Variants in TMEM171 observed in about 807,000 individuals in gnomAD.
TMEM171 encodes transmembrane protein 171, also known as proline-rich protein PRP2.
A neutral mutation model predicts 19.1 loss-of-function variants in TMEM171; 16 were observed. That is an observed-to-expected ratio of 0.84 (90% confidence interval 0.57 to 1.27). The LOEUF is 1.27. Ranked by LOEUF, TMEM171 falls within the 50% of genes most tolerant of loss-of-function variation. The pLI is 0.00. For missense variants in TMEM171, 429 were observed against 412.7 expected (o/e 1.04, Z -0.34); for synonymous variants, 153 against 163.4 (o/e 0.94, Z 0.48).
chr5:73,122,048 T>C lies in TMEM171; in HGVS notation c.-68-1258T>C, dbSNP rs113646776. Among the ~76,000 whole-genome samples the C allele has an allele frequency of 9.3e-3, 1,415 of 152,324 alleles. 25 individuals carry two copies. Among genetic ancestry groups the C allele is most frequent in the African/African-American group, 0.032 (1,343 of 41,574 alleles). On this transcript the variant is annotated intron_variant, in intron 1 of 3. Coordinates refer to ENST00000454765, the MANE Select transcript of TMEM171 (RefSeq NM_173490.8). ...ACAACTCTTTAACAACCACTTGGCATATTTAATATATTATACCCCTGAAGT... is the reference window on the plus strand; with the variant it reads ...ACAACTCTTTAACAACCACTTGGCACATTTAATATATTATACCCCTGAAGT...
intron 3 of TMEM171, 147 bp downstream of exon 3, chr5:73,128,678 C>G: frequency 1.0e-6 from 1 of 956,270 alleles, no homozygotes; most frequent in Non-Finnish European, 1.4e-6. Context: ...TTAACAGTAC[C>G]TTTGCCGAAA....
At chr5:73,121,262 T>C (rs1322809559) in intron 1 of TMEM171, among the ~76,000 whole-genome samples, 1 of 152,360 alleles carries the variant, frequency 6.6e-6, no homozygotes, top group East Asian at 1.9e-4. Context: ...AGTTGAAGCC[T>C]TGTGACTCAC....
At chr5:73,129,445 G>C (rs1744273442) in intron 3 of TMEM171, among the ~76,000 whole-genome samples, 1 of 152,222 alleles carries the variant, frequency 6.6e-6, no homozygotes, top group Non-Finnish European at 1.5e-5. Flanking sequence ...GTGGGTGTTT[G>C]CAAAGGGAGT....
rs144088240 is a variant in TMEM171, at chr5:73,123,664, C to T, written c.291C>T (p.Pro97=). The T allele has an allele frequency of 9.3e-6, 15 of 1,614,080 alleles. No homozygotes were observed. The African/African-American group carries it at 1.2e-4, about 13-fold the overall frequency. ...TGCAGAGAGGTCAGCAGATGGACCC[C>T]GACCGAGCCTTCATCTGTGGAGAGA... ...AGLQRGQQMD[P]DRAFICGESR... The change falls in exon 2 of 4, where the codon CCC becomes CCT. Residue 97 remains proline (P), a synonymous_variant. Coordinates refer to ENST00000454765, the MANE Select transcript of TMEM171 (RefSeq NM_173490.8).
intron 2 of TMEM171, among the ~76,000 whole-genome samples, chr5:73,125,689 G>A (rs924081428): frequency 2.0e-5 from 3 of 152,204 alleles, no homozygotes; most frequent in African/African-American, 7.2e-5. Flanking sequence ...AGTTGGGAAC[G>A]GTTCGAGGGG....
intron 1 of TMEM171, among the ~76,000 whole-genome samples, chr5:73,122,550 C>T (rs1303531554): frequency 6.6e-6 from 1 of 152,204 alleles, no homozygotes; most frequent in Non-Finnish European, 1.5e-5. Flanking sequence ...GGACCACAGG[C>T]ACCATGCCTG....
rs1321068820 is a variant in TMEM171 at position 73,123,431 on chromosome 5, A to G, written c.58A>G (p.Lys20Glu). 6.2e-7 allele frequency: 1 copy of G among 1,614,178 alleles called. No homozygotes were observed. Among genetic ancestry groups the G allele is most frequent in the South Asian group, 1.1e-5 (1 of 91,070 alleles). ...DGDQQDRHVS[K>E]LIFCFFVFGA... The stretch of plus-strand genomic sequence containing the variant: ...GGACCAGCAGGACAGACACGTCAGC[A>G]AACTCATCTTCTGCTTCTTTGTCTT... Residue 20 changes from lysine (K) to glutamate (E), a missense_variant, in exon 2 of 4, where the codon AAA becomes GAA. Lys to Glu is a moderately conservative substitution (Grantham distance 56). Transcript: ENST00000454765.
At chr5:73,128,605 C>G (rs1399243085) in intron 3 of TMEM171, 74 bp downstream of exon 3, 6 of 1,543,532 alleles carry the variant, frequency 3.9e-6, no homozygotes, top group South Asian at 1.2e-5. Flanking sequence ...TGTGGTTCAC[C>G]AGGAGGCATT....
At chr5:73,127,386 T>A (rs71594610) in intron 2 of TMEM171, among the ~76,000 whole-genome samples, 1,987 of 81,870 alleles carry the variant, frequency 0.024, 36 homozygotes, top group East Asian at 0.065. Context: ...AAAAAAAAAA[T>A]ATATATATAT....
intron 2 of TMEM171, among the ~76,000 whole-genome samples, chr5:73,124,551 C>A (rs1744111707): frequency 6.6e-6 from 1 of 152,216 alleles, no homozygotes; most frequent in Admixed American, 6.5e-5. Flanking sequence ...CACTAACATT[C>A]TAGGATTCTG....
rs192321046 is a variant in TMEM171, at chr5:73,130,939, A to T, written c.783-599A>T. On this transcript the variant is annotated intron_variant, in intron 3 of 3. Transcript: ENST00000454765. ...GGTCTGGCTTTTCTTGCATTAGTTT[A>T]TGTAACTCCCATATCCAGTCTAGGA... Among the ~76,000 whole-genome samples the T allele has an allele frequency of 2.1e-3, 321 of 152,246 alleles. 3 individuals are homozygous for T. The highest frequency in any genetic ancestry group is 6.9e-3 in the African/African-American group (285 of 41,548).
At position 73,128,410 on chromosome 5, in the gene TMEM171, C is replaced by G; in HGVS notation, c.661C>G (p.Pro221Ala). The G allele has an allele frequency of 6.2e-7, 1 of 1,614,146 alleles. No individual in the cohort carries two copies. Among genetic ancestry groups the G allele is most frequent in the South Asian group, 1.1e-5 (1 of 91,070 alleles). The change falls in exon 3 of 4, where the codon CCA becomes GCA. Residue 221 changes from proline (P) to alanine (A), a missense_variant. Physicochemically the swap from Pro to Ala is conservative, Grantham distance 27 (BLOSUM62 -1). Coordinates refer to ENST00000454765, the MANE Select transcript of TMEM171 (RefSeq NM_173490.8). ...CTTAGGTGACTCGGTAATAATATTT[C>G]CACCCCCTCCACCACCTTACTTTCC... ...VTVGDSVIIF[P>A]PPPPPYFPES...
In TMEM171 at chr5:73,129,540, G is replaced by A. The variant is rs147122451; in HGVS notation, c.782+1009G>A. Among the ~76,000 whole-genome samples, 10 of 152,274 alleles carry A rather than the reference G, an allele frequency of 6.6e-5. No homozygotes were observed. In the East Asian group the frequency reaches 1.4e-3, roughly 21 times the overall value. On this transcript the variant is annotated intron_variant, in intron 3 of 3. Coordinates refer to ENST00000454765, the MANE Select transcript of TMEM171 (RefSeq NM_173490.8). ...TCTAGGAAGTCAGCGTGAAACGGCCGTAGATTCCCTGCCTCCACACCCTAT... is the reference window on the plus strand; with the variant it reads ...TCTAGGAAGTCAGCGTGAAACGGCCATAGATTCCCTGCCTCCACACCCTAT...
intron 3 of TMEM171, among the ~76,000 whole-genome samples, chr5:73,130,435 A>G (rs1580240277): frequency 6.6e-6 from 1 of 152,318 alleles, no homozygotes; most frequent in African/African-American, 2.4e-5. Flanking sequence ...GCATTTTTGC[A>G]TGCAGTGAGC....
intron 3 of TMEM171, among the ~76,000 whole-genome samples, chr5:73,129,093 A>G (rs572938919): frequency 6.6e-6 from 1 of 152,350 alleles, no homozygotes; most frequent in East Asian, 1.9e-4. Flanking sequence ...AAAGAACTGG[A>G]CAAAATGCAC....
At chr5:73,122,717 T>G (rs561087647) in intron 1 of TMEM171, among the ~76,000 whole-genome samples, 5 of 152,236 alleles carry the variant, frequency 3.3e-5, no homozygotes, top group Non-Finnish European at 7.3e-5. Context: ...CACATTTTGA[T>G]AGAATCAACT....
intron 1 of TMEM171, among the ~76,000 whole-genome samples, chr5:73,122,685 C>T (rs1367891655): frequency 6.6e-6 from 1 of 152,236 alleles, no homozygotes; most frequent in Non-Finnish European, 1.5e-5. Flanking sequence ...AGGCGCAAGC[C>T]ACCACGCCTG....
rs1340240678 is a variant in TMEM171 at position 73,120,705 on chromosome 5, C to A, written c.-69+9C>A. The A allele has an allele frequency of 6.1e-6, 6 of 983,644 alleles. No homozygotes were observed. The African/African-American group carries it at 1.1e-4, about 17-fold the overall frequency. 60.9% of individuals were successfully genotyped at this position (983,644 alleles called of 1,614,324 possible). ...GCCGGACCCAGCTTCAGGTAAGCTG[C>A]CCCGGCCCGCGCGCCTGCGCCGGCG... On this transcript the variant is annotated intron_variant, in intron 1 of 3. Transcript: ENST00000454765.
intron 2 of TMEM171, 138 bp downstream of exon 2, chr5:73,124,151 C>T (rs1171334437): frequency 2.7e-6 from 2 of 741,088 alleles, no homozygotes; most frequent in African/African-American, 1.8e-5. Context: ...CACGCACACA[C>T]CCCCATCATG....
Sources: allele counts gnomAD v4.1 joint callset (sites outside exome capture counted in the v4.1 genomes callset), GRCh38; gene constraint gnomAD v4.1.1; transcripts MANE v1.5; gene names NCBI Gene and HGNC (gene_info 2026-07-23, HGNC 2026-07-21).